IPO7: variants seen among roughly 807,000 people sequenced by gnomAD.
IPO7 encodes the protein importin-7.
A neutral mutation model predicts 136.4 loss-of-function variants in IPO7; 13 were observed. The observed-to-expected ratio is 0.10, with a 90% CI of 0.06 to 0.15. The LOEUF (loss-of-function observed/expected upper bound fraction) is 0.15, where lower values mean the gene tolerates loss of function less well. Ranked by LOEUF, IPO7 falls within the 10% of genes least tolerant of loss-of-function variation. The pLI is 1.00. For synonymous variants in IPO7, 403 were observed against 404.4 expected (o/e 1.00, Z 0.04); for missense variants, 857 against 1,240.6 (o/e 0.69, Z 4.65).
chr11:9,420,324 A>T, intron 6 of IPO7, 87 bp from the exon 7 acceptor site: 1 of 821,220 alleles, frequency 1.2e-6, no homozygotes, highest in Non-Finnish European at 2.0e-6. Context: ...TTAGTGAAGC[A>T]TTCACATTTT....
At chr11:9,393,365 G>C (rs1854663215) in intron 1 of IPO7, among the ~76,000 whole-genome samples, 1 of 152,096 alleles carries the variant, frequency 6.6e-6, no homozygotes, top group South Asian at 2.1e-4. Context: ...CTTGTGGTTA[G>C]TGGTTAGTTT....
chr11:9,445,068 G>A (rs758735369), intron 24 of IPO7, 29 bp from the exon 25 acceptor site: 1 of 1,330,674 alleles, frequency 7.5e-7, no homozygotes, highest in Admixed American at 1.7e-5. Flanking sequence ...ATGATTGAAT[G>A]CCCTACTAAA....
chr11:9,442,077 A>G lies in IPO7; in HGVS notation c.2903-4A>G. ...GTTTTTCCCTTGTTTTTATTTTTTGATAGCTATTCAAAATCGTAATCCTGT... is the reference window on the plus strand; with the variant it reads ...GTTTTTCCCTTGTTTTTATTTTTTGGTAGCTATTCAAAATCGTAATCCTGT... On this transcript the variant is annotated splice_polypyrimidine_tract_variant and splice_region_variant and intron_variant, in intron 23 of 24. Transcript: ENST00000379719. 7.1e-7 allele frequency: 1 copy of G among 1,408,872 alleles called. No individual in the cohort carries two copies. Among genetic ancestry groups the G allele is most frequent in the Non-Finnish European group, 1.0e-6 (1 of 996,002 alleles). 87.3% of individuals were successfully genotyped at this position (1,408,872 alleles called of 1,614,324 possible).
At chr11:9,389,279 C>A (rs1388567515) in intron 1 of IPO7, among the ~76,000 whole-genome samples, 2 of 152,112 alleles carry the variant, frequency 1.3e-5, no homozygotes. Context: ...GAACTCCTGA[C>A]CTTAAGTGAT....
chr11:9,385,062 G>A (rs539318192), intron 1 of IPO7, among the ~76,000 whole-genome samples: 1 of 152,280 alleles, frequency 6.6e-6, no homozygotes, highest in Non-Finnish European at 1.5e-5. Context: ...CGGATCCTGA[G>A]CTGGGCCTCT....
chr11:9,415,420 A>T (rs972932074), intron 5 of IPO7, among the ~76,000 whole-genome samples: 2 of 152,204 alleles, frequency 1.3e-5, no homozygotes, highest in East Asian at 3.8e-4. Flanking sequence ...AGATTGTCTC[A>T]GTACAAAACG....
chr11:9,408,148 G>A (rs11042338), intron 2 of IPO7, among the ~76,000 whole-genome samples: 65,750 of 151,906 alleles, frequency 0.43, 16,643 homozygotes, highest in Non-Finnish European at 0.57. Flanking sequence ...GTCTTTAGAG[G>A]CTTCATTTAG....
In IPO7 at chr11:9,437,804, T is replaced by G; in HGVS notation, c.2319T>G (p.Val773=). The change falls in exon 21 of 25, where the codon GTT becomes GTG. Residue 773 remains valine (V), a synonymous_variant. Transcript: ENST00000379719. ...CCTTAGAAAGACTGACAAGAGAGGT[T>G]AAGACAAGTGAACTTCGAACTATGT... ...EAALERLTRE[V]KTSELRTMCL... is the part of the protein sequence containing the mutation. 1 of 1,614,172 alleles carries G rather than the reference T, an allele frequency of 6.2e-7. No homozygotes were observed. The highest frequency in any genetic ancestry group is 8.5e-7 in the Non-Finnish European group (1 of 1,180,018).
intron 1 of IPO7, among the ~76,000 whole-genome samples, chr11:9,400,141 C>T (rs965703873): frequency 6.6e-6 from 1 of 152,128 alleles, no homozygotes. Context: ...TAAATAGTTG[C>T]TGTACTTATA....
rs1554952118 is a variant in IPO7 at position 9,390,766 on chromosome 11, A to ACAGGGAGACCCAGTCAC, written c.84+5919_84+5920insCAGGGAGACCCAGTCAC. Reference sequence around the variant, plus strand: ...GGAGTTTGAGACCAGCCTGGGCAACATACAAAAAAAATTTTTTTTTTTAGC... The same window carrying ACAGGGAGACCCAGTCAC: ...GGAGTTTGAGACCAGCCTGGGCAACACAGGGAGACCCAGTCACTACAAAAAAAATTTTTTTTTTTAGC... On this transcript the variant is annotated intron_variant, in intron 1 of 24. Transcript: ENST00000379719. Among the ~76,000 whole-genome samples, 8 of 152,130 alleles carry ACAGGGAGACCCAGTCAC rather than the reference A, an allele frequency of 5.3e-5. 1 individual carries two copies. Among genetic ancestry groups the ACAGGGAGACCCAGTCAC allele is most frequent in the East Asian group, 3.9e-4 (2 of 5,156 alleles).
Position 9,435,010 on chromosome 11 carries a change from G to T in IPO7, c.2151G>T (p.Met717Ile), listed in dbSNP as rs908224681. The T allele has an allele frequency of 1.2e-6, 2 of 1,601,940 alleles. No individual in the cohort carries two copies. The highest frequency in any genetic ancestry group is 1.3e-5 in the African/African-American group (1 of 74,622). ...TGTCTGACACCAAGTATCTTGAAAT[G>T]ATATACAGTATGTGCAAAAAGGTAG... ...TLLSDTKYLE[M>I]IYSMCKKVLT... is the part of the protein sequence containing the mutation. The change falls in exon 19 of 25, where the codon ATG becomes ATT. Residue 717 changes from methionine to isoleucine, a missense_variant. Met to Ile is a conservative substitution (Grantham distance 10). Transcript: ENST00000379719.
In IPO7 at chr11:9,411,643, AT is replaced by A. The variant is rs575422527; in HGVS notation, c.479+1566del. On this transcript the variant is annotated intron_variant, in intron 4 of 24. Coordinates refer to ENST00000379719, the MANE Select transcript of IPO7 (RefSeq NM_006391.3). The stretch of plus-strand genomic sequence containing the variant: ...CTTTTAGATACTGAGAACCACTGAA[AT>A]TTTTTTTTAACAGAATAGTGATAAG... Among the ~76,000 whole-genome samples the A allele has an allele frequency of 5.9e-5, 9 of 151,718 alleles. No individual in the cohort carries two copies. The East Asian group carries it at 9.6e-4, about 16-fold the overall frequency.
Position 9,423,792 on chromosome 11 carries a change from G to A in IPO7, c.1057G>A (p.Val353Ile). The change falls in exon 10 of 25, where the codon GTT becomes ATT. Residue 353 changes from valine (V) to isoleucine (I), a missense_variant. By Grantham distance (29) the Val-to-Ile change is conservative (BLOSUM62 3). Transcript: ENST00000379719. ...TAAATTGCAGGGCATTATCCAAGAT[G>A]TTATTTTTCCATTGATGTGCTATAC... is the stretch of plus-strand genomic sequence containing the variant. ...KPHIQGIIQD[V>I]IFPLMCYTDA... 1.3e-6 allele frequency: 2 copies of A among 1,594,182 alleles called. No individual in the cohort carries two copies. Among genetic ancestry groups the A allele is most frequent in the South Asian group, 1.1e-5 (1 of 88,288 alleles).
chr11:9,413,349 TA>T (rs1833493491), intron 4 of IPO7, among the ~76,000 whole-genome samples: 1 of 152,134 alleles, frequency 6.6e-6, no homozygotes, highest in South Asian at 2.1e-4. Context: ...CTTTTAGAAA[TA>T]AAATATTTTC....
intron 1 of IPO7, among the ~76,000 whole-genome samples, chr11:9,385,492 A>G (rs529501593): frequency 6.6e-6 from 1 of 152,192 alleles, no homozygotes; most frequent in East Asian, 1.9e-4. Flanking sequence ...TCAGTCGGGG[A>G]GCTGGCTTAT....
intron 4 of IPO7, among the ~76,000 whole-genome samples, chr11:9,412,067 T>G (rs1291582158): frequency 6.6e-6 from 1 of 152,234 alleles, no homozygotes; most frequent in Non-Finnish European, 1.5e-5. Context: ...CTTTCTTTTG[T>G]GAATTGTTAT....
rs369795970 is a variant in IPO7 at position 9,408,838 on chromosome 11, C to A, written c.320+199C>A. ...GCAATTCTCCTGCCTCTCAGCTCCACGAGTAGCTGGGATTACAGGCACATG... is the reference window on the plus strand; with the variant it reads ...GCAATTCTCCTGCCTCTCAGCTCCAAGAGTAGCTGGGATTACAGGCACATG... On this transcript the variant is annotated intron_variant, in intron 3 of 24. Transcript: ENST00000379719. Among the ~76,000 whole-genome samples the A allele has an allele frequency of 1.1e-4, 16 of 150,804 alleles. 1 individual carries two copies. The highest frequency in any genetic ancestry group is 3.2e-4 in the African/African-American group (13 of 41,112).
intron 5 of IPO7, 82 bp from the exon 6 acceptor site, chr11:9,416,977 T>C: frequency 1.7e-6 from 1 of 605,004 alleles, no homozygotes; most frequent in East Asian, 2.8e-5. Flanking sequence ...GAAATACTTT[T>C]GGTAGGTATT....
At chr11:9,440,348 T>G in intron 22 of IPO7, 107 bp from the exon 23 acceptor site, 1 of 867,636 alleles carries the variant, frequency 1.2e-6, no homozygotes, top group Admixed American at 2.1e-5. Context: ...AGCTCTCTCT[T>G]GTCACTTGTG....
Sources: gnomAD v4.1 joint callset for allele counts (sites outside exome capture counted in the v4.1 genomes callset) on GRCh38, gnomAD v4.1.1 for gene constraint, MANE v1.5 for transcripts, NCBI Gene and HGNC (gene_info 2026-07-23, HGNC 2026-07-21) for gene names.